Variants in GLIS3 observed in about 807,000 individuals in gnomAD.
The protein encoded by GLIS3 is zinc finger protein GLIS3.
In GLIS3, 53 loss-of-function variants were observed where a neutral mutation model predicts 78.6. The observed-to-expected ratio is 0.67, with a 90% CI of 0.54 to 0.85. The LOEUF is 0.85. Ranked by LOEUF, GLIS3 falls within the 40% of genes least tolerant of loss-of-function variation. GLIS3 has a pLI of 0.00. For synonymous variants in GLIS3, 684 were observed against 509.9 expected, an observed-to-expected ratio of 1.34 and a Z score of -4.60; for missense variants, 1,703 against 1,231.1, an observed-to-expected ratio of 1.38 and a Z score of -5.74.
At chr9:3,900,484 AC>A (rs33918149) in intron 6 of GLIS3, among the ~76,000 whole-genome samples, 139,894 of 151,916 alleles carry the variant, frequency 0.92, 64,670 homozygotes, top group East Asian at 1. Flanking sequence ...GAAGATTTGT[AC>A]CCCCCCCAAA....
intron 4 of GLIS3, among the ~76,000 whole-genome samples, chr9:4,114,046 C>A (rs764092179): frequency 4.6e-5 from 7 of 152,114 alleles, no homozygotes; most frequent in Non-Finnish European, 1.0e-4. Flanking sequence ...CCCTTACCAG[C>A]ACTCCCCAAC....
chr9:4,209,124 G>C (rs1452229765), intron 2 of GLIS3, among the ~76,000 whole-genome samples: 1 of 152,122 alleles, frequency 6.6e-6, no homozygotes, highest in Non-Finnish European at 1.5e-5. Context: ...TTTTCTTCCT[G>C]CATCAAAATG....
At chr9:4,082,091 T>C (rs1290028675) in intron 4 of GLIS3, among the ~76,000 whole-genome samples, 1 of 152,262 alleles carries the variant, frequency 6.6e-6, no homozygotes, top group Admixed American at 6.5e-5. Flanking sequence ...AGATTTCTAA[T>C]GCACTATGGT....
chr9:3,966,724 G>C (rs951615732), intron 4 of GLIS3, among the ~76,000 whole-genome samples: 2 of 151,558 alleles, frequency 1.3e-5, no homozygotes, highest in African/African-American at 2.4e-5. Context: ...GAACCCGGGA[G>C]GTGGTGTGAG....
chr9:3,901,898 G>C (rs1823331904), intron 6 of GLIS3, among the ~76,000 whole-genome samples: 1 of 152,224 alleles, frequency 6.6e-6, no homozygotes, highest in African/African-American at 2.4e-5. Context: ...GGCTTGGAAT[G>C]AGTTCTGGTG....
chr9:4,228,395 C>T (rs917041985), intron 2 of GLIS3, among the ~76,000 whole-genome samples: 1 of 152,092 alleles, frequency 6.6e-6, no homozygotes, highest in Non-Finnish European at 1.5e-5. Flanking sequence ...GAGTACATAA[C>T]CCTCCAGTGC....
At chr9:4,048,805 T>C (rs1365808301) in intron 4 of GLIS3, among the ~76,000 whole-genome samples, 1 of 152,212 alleles carries the variant, frequency 6.6e-6, no homozygotes, top group Non-Finnish European at 1.5e-5. Flanking sequence ...TTAGGATTCC[T>C]GCACAAATAT....
chr9:3,991,530 C>T (rs1409167125), intron 4 of GLIS3, among the ~76,000 whole-genome samples: 1 of 151,998 alleles, frequency 6.6e-6, no homozygotes, highest in Non-Finnish European at 1.5e-5. Flanking sequence ...GTCTTAACTT[C>T]CTATATCTTA....
At chr9:3,872,724 C>T (rs188900366) in intron 8 of GLIS3, among the ~76,000 whole-genome samples, 22 of 152,260 alleles carry the variant, frequency 1.4e-4, no homozygotes, top group African/African-American at 3.9e-4. Flanking sequence ...GATTTGGGTG[C>T]GGACACACAG....
intron 2 of GLIS3, among the ~76,000 whole-genome samples, chr9:4,345,843 G>C (rs1027374784): frequency 6.6e-6 from 1 of 152,180 alleles, no homozygotes; most frequent in African/African-American, 2.4e-5. Flanking sequence ...GAGTAAGGCA[G>C]GGAATGACAC....
At chr9:4,222,240 G>C (rs189764533) in intron 2 of GLIS3, among the ~76,000 whole-genome samples, 45 of 152,266 alleles carry the variant, frequency 3.0e-4, no homozygotes, top group African/African-American at 1.0e-3. Context: ...AAACACGGTA[G>C]CAAAGTACAC....
At chr9:3,920,189 G>C (rs1824789790) in intron 6 of GLIS3, among the ~76,000 whole-genome samples, 1 of 151,970 alleles carries the variant, frequency 6.6e-6, no homozygotes, top group South Asian at 2.1e-4. Flanking sequence ...ATTTTTAGTA[G>C]AGACGGGGTT....
chr9:3,839,116 C>T (rs1006182940), intron 9 of GLIS3, among the ~76,000 whole-genome samples: 5 of 152,110 alleles, frequency 3.3e-5, no homozygotes, highest in Non-Finnish European at 5.9e-5. Context: ...ACATTTTTGT[C>T]CTGTAAGCAG....
Position 3,867,398 on chromosome 9 carries a change from G to C in GLIS3, c.2298-11214C>G, listed in dbSNP as rs183832019. ...AGTGTATTTAAGAAGTTATTAGTGA[G>C]AGAAGAAAGTTCATTCCAAAGGCCA... On this transcript the variant is annotated intron_variant, in intron 8 of 10. Coordinates refer to ENST00000381971, the MANE Select transcript of GLIS3 (RefSeq NM_001042413.2). 5.9e-5 allele frequency among the ~76,000 whole-genome samples: 9 copies of C among 152,356 alleles called. No individual in the cohort carries two copies. In the East Asian group the frequency reaches 1.7e-3, roughly 29 times the overall value.
At chr9:4,220,171 G>C (rs1047714540) in intron 2 of GLIS3, among the ~76,000 whole-genome samples, 5 of 152,038 alleles carry the variant, frequency 3.3e-5, no homozygotes, top group Non-Finnish European at 5.9e-5. Flanking sequence ...TGAAGTAACA[G>C]TAAAAATCCA....
At chr9:3,880,149 T>C (rs574510804) in intron 7 of GLIS3, among the ~76,000 whole-genome samples, 94 of 152,286 alleles carry the variant, frequency 6.2e-4, no homozygotes, top group Middle Eastern at 3.4e-3. Flanking sequence ...AGAGTCTAAC[T>C]AACCCAGGGA....
intron 4 of GLIS3, among the ~76,000 whole-genome samples, chr9:4,063,147 G>A (rs1484767824): frequency 3.9e-5 from 6 of 151,982 alleles, no homozygotes; most frequent in Non-Finnish European, 7.4e-5. Flanking sequence ...CCTTATGTCT[G>A]CCTAGGGATT....
intron 4 of GLIS3, among the ~76,000 whole-genome samples, chr9:4,043,982 G>A (rs1285808071): frequency 6.6e-6 from 1 of 152,152 alleles, no homozygotes; most frequent in African/African-American, 2.4e-5. Flanking sequence ...ACCAACAATG[G>A]AAGGCAATAT....
Position 3,829,298 on chromosome 9 carries a change from C to G in GLIS3, c.2656+12G>C. On this transcript the variant is annotated intron_variant, in intron 10 of 10. Transcript: ENST00000381971. ...TTGACAGGATTTTCTAAGTCACAGA[C>G]AACCAACACACCTGTAATGCCCGAG... 1 of 1,613,242 alleles carries G rather than the reference C, an allele frequency of 6.2e-7. No homozygotes were observed. The highest frequency in any genetic ancestry group is 8.5e-7 in the Non-Finnish European group (1 of 1,179,338).
Sources: allele counts gnomAD v4.1 joint callset (sites outside exome capture counted in the v4.1 genomes callset), GRCh38; gene constraint gnomAD v4.1.1; transcripts MANE v1.5; gene names NCBI Gene and HGNC (gene_info 2026-07-23, HGNC 2026-07-21).